The following ZFHX3 variants were observed in gnomAD, a reference collection of about 807,000 sequenced individuals.
The protein encoded by ZFHX3 is zinc finger homeobox protein 3.
ZFHX3 carries 42 observed loss-of-function variants against 279.1 expected under a neutral mutation model. That is an observed-to-expected ratio of 0.15 (90% CI 0.12 to 0.19). ZFHX3 has a LOEUF of 0.19. ZFHX3 is among the 10% of genes least tolerant of loss of function. The pLI is 1.00. For synonymous variants in ZFHX3, 2,293 were observed against 1,957.8 expected (o/e 1.17, Z -4.52); for missense variants, 4,981 against 4,754.0 (o/e 1.05, Z -1.40).
chr16:73,419,413 T>G (rs972189556), intron 3 of ZFHX3, among the ~76,000 whole-genome samples: 1 of 152,196 alleles, frequency 6.6e-6, no homozygotes, highest in African/African-American at 2.4e-5. Flanking sequence ...ACACTGACTG[T>G]ATGTAACATT....
intron 1 of ZFHX3, among the ~76,000 whole-genome samples, chr16:73,027,686 T>C (rs925154995): frequency 6.6e-6 from 1 of 151,952 alleles, no homozygotes; most frequent in African/African-American, 2.4e-5. Context: ...AAGAAGGAAT[T>C]TGGGTCTGTG....
chr16:73,222,855 TG>T (rs756363031), intron 5 of ZFHX3, among the ~76,000 whole-genome samples: 98 of 152,162 alleles, frequency 6.4e-4, no homozygotes, highest in Non-Finnish European at 1.1e-3. Flanking sequence ...AGTAAAGTAT[TG>T]GGTAAAAAGA....
chr16:73,602,169 A>C (rs1056299377), intron 2 of ZFHX3, among the ~76,000 whole-genome samples: 3 of 152,214 alleles, frequency 2.0e-5, no homozygotes, highest in Admixed American at 6.5e-5. Context: ...AGAAGAACAG[A>C]AAAAACATGT....
chr16:73,575,500 G>C (rs2051790645), intron 2 of ZFHX3, among the ~76,000 whole-genome samples: 1 of 152,172 alleles, frequency 6.6e-6, no homozygotes, highest in African/African-American at 2.4e-5. Context: ...ATTAAAGTTT[G>C]GTAAATTTGC....
chr16:73,546,671 T>TTGCTGC (rs57427757), intron 2 of ZFHX3, among the ~76,000 whole-genome samples: 3,614 of 143,470 alleles, frequency 0.025, 66 homozygotes, highest in Non-Finnish European at 0.034. Context: ...GGTGCTGCTG[T>TTGCTGC]TGCTGCTGCT....
At chr16:73,469,917 C>T (rs2143599904) in intron 2 of ZFHX3, among the ~76,000 whole-genome samples, 1 of 152,208 alleles carries the variant, frequency 6.6e-6, no homozygotes, top group African/African-American at 2.4e-5. Flanking sequence ...TGCCCAGCCT[C>T]AAGATTTTTA....
At chr16:73,725,553 G>GTGTGTA (rs2053511954) in intron 1 of ZFHX3, among the ~76,000 whole-genome samples, 1 of 152,068 alleles carries the variant, frequency 6.6e-6, no homozygotes, top group Admixed American at 6.6e-5. Context: ...GTGTGTGTGT[G>GTGTGTA]TGTGTGTGTG....
At chr16:73,037,923 C>A (rs926588851) in intron 1 of ZFHX3, among the ~76,000 whole-genome samples, 3 of 152,146 alleles carry the variant, frequency 2.0e-5, no homozygotes, top group African/African-American at 7.2e-5. Flanking sequence ...TGCCATAAAT[C>A]GTAACTGGCC....
At chr16:73,295,083 C>T (rs970934268) in intron 4 of ZFHX3, among the ~76,000 whole-genome samples, 16 of 151,564 alleles carry the variant, frequency 1.1e-4, no homozygotes, top group Non-Finnish European at 2.1e-4. Context: ...GGCATGGTGG[C>T]AGGTGCCTGT....
chr16:73,214,825 C>T (rs1027077050), intron 5 of ZFHX3, among the ~76,000 whole-genome samples: 1 of 142,526 alleles, frequency 7.0e-6, no homozygotes, highest in Non-Finnish European at 1.5e-5. Context: ...AACATTACTC[C>T]ATTGAAATGC....
At chr16:73,792,058 C>T (rs1959840071) in intron 1 of ZFHX3, among the ~76,000 whole-genome samples, 1 of 152,168 alleles carries the variant, frequency 6.6e-6, no homozygotes, top group Non-Finnish European at 1.5e-5. Flanking sequence ...ATTCTACCAT[C>T]CAGGTGTGTT....
At position 73,297,113 on chromosome 16, in the gene ZFHX3, G is replaced by A. The variant is rs928599155; in HGVS notation, c.-1194+21127C>T. ...AGGATGGTCTCGATCCCCTGACCTC[G>A]TGATCCGCCCGCCTAGGCCTCCCAA... On this transcript the variant is annotated intron_variant, in intron 4 of 17. Transcript: ENST00000641206. Among the ~76,000 whole-genome samples, 18 of 151,668 alleles carry A rather than the reference G, an allele frequency of 1.2e-4. 1 individual carries two copies. Among genetic ancestry groups the A allele is most frequent in the East Asian group, 3.9e-4 (2 of 5,182 alleles).
intron 5 of ZFHX3, among the ~76,000 whole-genome samples, chr16:73,174,740 G>C (rs1014688771): frequency 1.3e-5 from 2 of 151,788 alleles, no homozygotes; most frequent in Non-Finnish European, 2.9e-5. Context: ...AATCAGGGCC[G>C]AGCACAGTGG....
intron 1 of ZFHX3, among the ~76,000 whole-genome samples, chr16:72,974,053 T>C (rs1962231642): frequency 6.6e-6 from 1 of 152,182 alleles, no homozygotes; most frequent in Admixed American, 6.5e-5. Flanking sequence ...GAACACTAAT[T>C]GGAACAGAAG....
intron 1 of ZFHX3, among the ~76,000 whole-genome samples, chr16:73,891,489 A>G (rs1314073502): frequency 6.6e-6 from 1 of 152,180 alleles, no homozygotes; most frequent in Non-Finnish European, 1.5e-5. Context: ...GCTACTGAGA[A>G]GGAAGGAGAG....
At chr16:73,286,992 G>A (rs974488039) in intron 4 of ZFHX3, among the ~76,000 whole-genome samples, 9 of 149,190 alleles carry the variant, frequency 6.0e-5, no homozygotes, top group Admixed American at 2.7e-4. Flanking sequence ...GTGGGTGTGT[G>A]GGTCAGTGTG....
At chr16:73,153,938 T>C (rs986661923) in intron 5 of ZFHX3, among the ~76,000 whole-genome samples, 1 of 151,966 alleles carries the variant, frequency 6.6e-6, no homozygotes, top group Admixed American at 6.6e-5. Context: ...TCTCTTGACC[T>C]CATGATCCGC....
chr16:73,687,565 C>G (rs879433767), intron 1 of ZFHX3, among the ~76,000 whole-genome samples: 3 of 151,904 alleles, frequency 2.0e-5, no homozygotes, highest in Non-Finnish European at 4.4e-5. Context: ...AACTATTGAC[C>G]GGGTGCGGTG....
In ZFHX3 at chr16:72,794,365, G is replaced by C; in HGVS notation, c.8317C>G (p.Leu2773Val). ...TGACCATCACTACTGCTTGGGGGTAGGTGGGAAAAGCTAGTTCCGTCAAAA... is the reference window on the plus strand; with the variant it reads ...TGACCATCACTACTGCTTGGGGGTACGTGGGAAAAGCTAGTTCCGTCAAAA... Reference protein sequence around the residue: ...DIFDGTSFSHLPPSSSDGQGV... With the variant: ...DIFDGTSFSHVPPSSSDGQGV... The change falls in exon 9 of 10, where the codon CTA becomes GTA. Residue 2773 changes from leucine (L) to valine (V), a missense_variant. Leu to Val is a conservative substitution (Grantham distance 32). This residue lies in a region of ZFHX3 where 744 missense variants were observed against 701.3 expected (regional missense o/e 1.06). Transcript: ENST00000268489. This position sits in a 1 kb window ranked among gnomAD's most constrained non-coding sequence, Gnocchi z 4.2. 1.2e-6 allele frequency: 2 copies of C among 1,602,674 alleles called. No homozygotes were observed. The highest frequency in any genetic ancestry group is 1.7e-6 in the Non-Finnish European group (2 of 1,174,050).
Sources: allele counts gnomAD v4.1 joint callset (sites outside exome capture counted in the v4.1 genomes callset), GRCh38; gene constraint gnomAD v4.1.1; regional missense constraint gnomAD v4.1.1; non-coding constraint Gnocchi (gnomAD v3.1); transcripts MANE v1.5; gene names NCBI Gene and HGNC (gene_info 2026-07-23, HGNC 2026-07-21).